Variants in NCOR2 observed in about 807,000 individuals in gnomAD.
NCOR2 encodes nuclear receptor corepressor 2.
Under a neutral mutation model 262.9 loss-of-function variants are expected in NCOR2, and 81 were observed. That is an observed-to-expected ratio of 0.31 (90% CI 0.26 to 0.37). The LOEUF (loss-of-function observed/expected upper bound fraction) is 0.37, where lower values mean the gene tolerates loss of function less well. NCOR2 is among the 10% of genes least tolerant of loss of function. NCOR2 has a pLI of 1.00. For missense variants in NCOR2, 3,385 were observed against 3,621.4 expected, an observed-to-expected ratio of 0.93 and a Z score of 1.68; for synonymous variants, 1,659 against 1,559.3, an observed-to-expected ratio of 1.06 and a Z score of -1.51.
At position 124,479,834 on chromosome 12, in the gene NCOR2, T is replaced by G. The variant is rs544366021; in HGVS notation, c.411+3762A>C. Among the ~76,000 whole-genome samples, 8 of 152,206 alleles carry G rather than the reference T, an allele frequency of 5.3e-5. 1 individual carries two copies. Among genetic ancestry groups the G allele is most frequent in the Admixed American group, 4.6e-4 (7 of 15,298 alleles). On this transcript the variant is annotated intron_variant, in intron 3 of 46. Transcript: ENST00000405201. ...GGTCAACCTGGAGGCAGGCATGGGG[T>G]GCACTCCCAGCTGCCTGGGCCTGAA...
intron 7 of NCOR2, among the ~76,000 whole-genome samples, chr12:124,446,176 CA>C (rs1480403516): frequency 1.3e-5 from 2 of 152,194 alleles, no homozygotes; most frequent in Admixed American, 1.3e-4. Flanking sequence ...CTGGGCACTG[CA>C]GATTTCCTGA....
rs112233733 is a variant in NCOR2 at position 124,336,941 on chromosome 12, G to A, written c.5927C>T (p.Ser1976Leu). The A allele has an allele frequency of 1.9e-5, 30 of 1,551,146 alleles. 1 individual carries two copies. Among genetic ancestry groups the A allele is most frequent in the Middle Eastern group, 1.8e-4 (1 of 5,574 alleles). The change falls in exon 38 of 47, where the codon TCG (serine) becomes TTG (leucine). Residue 1976 changes from serine to leucine, a missense_variant. Physicochemically the swap from Ser to Leu is moderately radical, Grantham distance 145. This residue lies in a region of NCOR2 where 1,017 missense variants were observed against 967.2 expected (regional missense o/e 1.05). Coordinates refer to ENST00000405201, the Ensembl canonical transcript of NCOR2. ...AGGAGGCACTAGGGGCCGGGGCTCCGAGCCCTTGCTGGGGGAGGAGGCGGG... is the reference window on the plus strand; with the variant it reads ...AGGAGGCACTAGGGGCCGGGGCTCCAAGCCCTTGCTGGGGGAGGAGGCGGG...
In NCOR2 at chr12:124,566,344, T is replaced by C. The variant is rs1377163458; in HGVS notation, c.-165+964A>G. ...GGGAGGACACTCGCTTCCAAAAAAA[T>C]AAACCTACAATGTAAAAATAACGCC... On this transcript the variant is annotated intron_variant, in intron 1 of 32. Coordinates refer to the NCOR2 transcript ENST00000458234. This position sits in a 1 kb window ranked among gnomAD's most constrained non-coding sequence, Gnocchi z 4.3. Among the ~76,000 whole-genome samples, 2 of 151,958 alleles carry C rather than the reference T, an allele frequency of 1.3e-5. No individual in the cohort carries two copies. The highest frequency in any genetic ancestry group is 4.8e-5 in the African/African-American group (2 of 41,346).
chr12:124,392,128 C>A (rs900046760), intron 16 of NCOR2, among the ~76,000 whole-genome samples: 3 of 152,252 alleles, frequency 2.0e-5, no homozygotes, highest in Admixed American at 1.3e-4. Context: ...ACTACCGCAT[C>A]GACCGCCAGG....
chr12:124,371,202 C>T (rs1468691016), intron 20 of NCOR2, among the ~76,000 whole-genome samples: 1 of 150,456 alleles, frequency 6.6e-6, no homozygotes, highest in Non-Finnish European at 1.5e-5. Context: ...CCCCCACCCC[C>T]GTGAGAGCTG....
chr12:124,399,381 A>G (rs1300025865), intron 15 of NCOR2, among the ~76,000 whole-genome samples: 2 of 152,164 alleles, frequency 1.3e-5, no homozygotes, highest in East Asian at 1.9e-4. Context: ...CCCCAGCATC[A>G]GCCTTGGGTC....
At chr12:124,458,811 G>C (rs2046016393) in intron 5 of NCOR2, among the ~76,000 whole-genome samples, 1 of 152,182 alleles carries the variant, frequency 6.6e-6, no homozygotes, top group Non-Finnish European at 1.5e-5. Flanking sequence ...ATTTCCGGTG[G>C]ATGGGGGCAG....
chr12:124,341,574 TAA>T (rs2036462412), intron 34 of NCOR2, among the ~76,000 whole-genome samples: 1 of 152,112 alleles, frequency 6.6e-6, no homozygotes, highest in South Asian at 2.1e-4. Flanking sequence ...CCCTGTATCC[TAA>T]GAGTATACAC....
intron 7 of NCOR2, among the ~76,000 whole-genome samples, chr12:124,447,475 T>C (rs951343759): frequency 6.6e-6 from 1 of 152,236 alleles, no homozygotes; most frequent in Non-Finnish European, 1.5e-5. Flanking sequence ...TCTATGGCTG[T>C]CTTTATTACC....
chr12:124,426,536 T>C lies in NCOR2; in HGVS notation c.1328+86A>G, dbSNP rs890407820. 17 of 1,325,302 alleles carry C rather than the reference T, an allele frequency of 1.3e-5. No homozygotes were observed. The African/African-American group carries it at 1.3e-4, about 10-fold the overall frequency. 82.1% of individuals were successfully genotyped at this position (1,325,302 alleles called of 1,614,324 possible). A position where few individuals can be genotyped will look rare whatever the true frequency, so the allele number is the denominator to read the frequency against. On this transcript the variant is annotated intron_variant, in intron 11 of 46. Coordinates refer to ENST00000405201, the Ensembl canonical transcript of NCOR2. Reference sequence around the variant, plus strand: ...TTTAAGCACCCCCCGGCATGCTCATTTGTGGTGGCTGCCGGGAGACAGCGC... The same window carrying C: ...TTTAAGCACCCCCCGGCATGCTCATCTGTGGTGGCTGCCGGGAGACAGCGC...
At chr12:124,339,911 C>CCAAAAACA in intron 37 of NCOR2, 95 bp downstream of exon 39, 1 of 1,090,174 alleles carries the variant, frequency 9.2e-7, no homozygotes, top group East Asian at 2.6e-5. Flanking sequence ...ACCCACCTCC[C>CCAAAAACA]ATATACCTCC....
At chr12:124,527,242 T>TAC (rs2050524660) in intron 1 of NCOR2, among the ~76,000 whole-genome samples, 1 of 151,996 alleles carries the variant, frequency 6.6e-6, no homozygotes, top group Non-Finnish European at 1.5e-5. Flanking sequence ...CAGCACGCCC[T>TAC]GTAGGGTGAG....
chr12:124,349,431 AG>A (rs1444116608), intron 28 of NCOR2, among the ~76,000 whole-genome samples: 1 of 152,160 alleles, frequency 6.6e-6, no homozygotes, highest in Non-Finnish European at 1.5e-5. Flanking sequence ...GGAGGGTACT[AG>A]GTTGCTGTTC....
chr12:124,450,633 G>A (rs1037441628), intron 6 of NCOR2, among the ~76,000 whole-genome samples: 1 of 152,204 alleles, frequency 6.6e-6, no homozygotes, highest in South Asian at 2.1e-4. Flanking sequence ...GGGAGGCAGG[G>A]CCCACATGTA....
intron 17 of NCOR2, among the ~76,000 whole-genome samples, chr12:124,380,479 C>T (rs1033213004): frequency 1.3e-5 from 2 of 152,184 alleles, no homozygotes; most frequent in Non-Finnish European, 2.9e-5. Context: ...TCTGCAACCC[C>T]GCACACGTCC....
At chr12:124,426,595 G>A (rs750811720) in intron 11 of NCOR2, 27 bp downstream of exon 13, 1 of 1,545,514 alleles carries the variant, frequency 6.5e-7, no homozygotes, top group Non-Finnish European at 8.8e-7. Flanking sequence ...GGGGCCGGGA[G>A]GCCAGGCCAG....
exon 4 of NCOR2, chr12:124,473,043 A>G (rs769620607): frequency 6.2e-7 from 1 of 1,614,158 alleles, no homozygotes; most frequent in Non-Finnish European, 8.5e-7. Flanking sequence ...CTCCTTGGAC[A>G]GCCGTGGCGG....
chr12:124,350,609 C>T (rs1566380250), exon 28 of NCOR2: 4 of 1,613,944 alleles, frequency 2.5e-6, no homozygotes, highest in Non-Finnish European at 2.5e-6. Flanking sequence ...AGACGTGGCC[C>T]TTCTTGCCTT....
rs58967881 is a variant in NCOR2 at position 124,325,377 on chromosome 12, G to GCCCCCCCCCCC, written c.*14_*24dup. 1.0e-3 allele frequency: 253 copies of GCCCCCCCCCCC among 250,998 alleles called. 15 individuals carry two copies. Among genetic ancestry groups the GCCCCCCCCCCC allele is most frequent in the Middle Eastern group, 1.8e-3 (1 of 556 alleles). The allele number at this position is 250,998 out of a possible 1,614,324, so 15.5% of individuals were successfully genotyped here. ...CTGTGGCTCGCTGGGACCTGACACC[G>GCCCCCCCCCCC]CCCCCCCCCCCGCCCTGTTCTGAGT... On this transcript the variant is annotated 3_prime_UTR_variant, in exon 47 of 47. Transcript: ENST00000405201.
Sources: allele counts gnomAD v4.1 joint callset (sites outside exome capture counted in the v4.1 genomes callset), GRCh38; gene constraint gnomAD v4.1.1; regional missense constraint gnomAD v4.1.1; non-coding constraint Gnocchi (gnomAD v3.1); transcripts MANE v1.5; gene names NCBI Gene and HGNC (gene_info 2026-07-23, HGNC 2026-07-21).